Variants in GALNT12 observed in about 807,000 individuals in gnomAD.
GALNT12 encodes polypeptide N-acetylgalactosaminyltransferase 12, also known as UDP-GalNAc:polypeptide N-acetylgalactosaminyltransferase 12.
A neutral mutation model predicts 55.5 loss-of-function variants in GALNT12; 45 were observed. That is an observed-to-expected ratio of 0.81 (90% CI 0.64 to 1.04). The LOEUF is 1.04. Ranked by LOEUF, GALNT12 falls within the 50% of genes least tolerant of loss-of-function variation. The probability of loss-of-function intolerance (pLI) is 0.00; values close to 1 mark genes in which losing one functional copy is unlikely to be tolerated. For missense variants in GALNT12, 709 were observed against 754.8 expected (o/e 0.94, Z 0.71); for synonymous variants, 304 against 312.2 (o/e 0.97, Z 0.28).
At chr9:98,821,059 A>G (rs1454148370) in intron 1 of GALNT12, among the ~76,000 whole-genome samples, 1 of 152,202 alleles carries the variant, frequency 6.6e-6, no homozygotes, top group Non-Finnish European at 1.5e-5. Flanking sequence ...ATGAATCAAG[A>G]GTACAGTGGC....
At position 98,838,793 on chromosome 9, in the gene GALNT12, G is replaced by T. The variant is rs551231827; in HGVS notation, c.1213-1209G>T. 5.9e-5 allele frequency among the ~76,000 whole-genome samples: 9 copies of T among 152,318 alleles called. No homozygotes were observed. The South Asian group carries it at 1.9e-3, about 32-fold the overall frequency. ...AGGCCACTTCATGGAAGTCTCTTCT[G>T]AGTCCTTCCAGCAACCCTGCAGGGT... On this transcript the variant is annotated intron_variant, in intron 6 of 9. Coordinates refer to ENST00000375011, the MANE Select transcript of GALNT12 (RefSeq NM_024642.5).
At chr9:98,825,232 AAG>A (rs1237256346) in intron 2 of GALNT12, among the ~76,000 whole-genome samples, 1 of 152,232 alleles carries the variant, frequency 6.6e-6, no homozygotes, top group Non-Finnish European at 1.5e-5. Context: ...TCTAAAGTCA[AAG>A]AGCGGATTAT....
At chr9:98,834,920 C>G (rs1428951024) in intron 4 of GALNT12, among the ~76,000 whole-genome samples, 1 of 152,194 alleles carries the variant, frequency 6.6e-6, no homozygotes, top group East Asian at 1.9e-4. Context: ...CTTTGTCCTG[C>G]AGACCTTGCT....
At chr9:98,848,049 A>C (rs1836461416) in intron 9 of GALNT12, among the ~76,000 whole-genome samples, 1 of 152,152 alleles carries the variant, frequency 6.6e-6, no homozygotes, top group African/African-American at 2.4e-5. Context: ...CTTTGGCCTC[A>C]AGTGATCCAC....
chr9:98,827,851 C>A (rs180965883), intron 3 of GALNT12, among the ~76,000 whole-genome samples: 5 of 152,168 alleles, frequency 3.3e-5, no homozygotes, highest in Non-Finnish European at 7.4e-5. Flanking sequence ...CATAATGTAA[C>A]CCTGTTCTCA....
At chr9:98,831,283 A>G (rs758105013) in intron 3 of GALNT12, among the ~76,000 whole-genome samples, 1 of 152,252 alleles carries the variant, frequency 6.6e-6, no homozygotes, top group Non-Finnish European at 1.5e-5. Context: ...TTATAATTCC[A>G]GTGTTACCAC....
In GALNT12 at chr9:98,826,877, G is replaced by T. The variant is rs776852348; in HGVS notation, c.667G>T (p.Val223Phe). The change falls in exon 3 of 10, where the codon GTT becomes TTT. Residue 223 changes from valine to phenylalanine, a missense_variant. By Grantham distance (50) the Val-to-Phe change is conservative. Around this residue, in one of 5 missense-constraint regions of GALNT12, gnomAD observed 315 missense variants for 288.6 expected, o/e 1.09. Transcript: ENST00000375011. ...GGGGGCGTCTGCGGCGAGGGGCGAT[G>T]TTCTGACCTTCCTGGACTGTCACTG... ...LLGASAARGD[V>F]LTFLDCHCEC... 3.8e-6 allele frequency: 6 copies of T among 1,595,730 alleles called. No homozygotes were observed. The highest frequency in any genetic ancestry group is 5.1e-6 in the Non-Finnish European group (6 of 1,171,356).
Position 98,831,868 on chromosome 9 carries a change from C to G in GALNT12, c.828C>G (p.Ile276Met), listed in dbSNP as rs768925908. The change falls in exon 4 of 10, where the codon ATC (isoleucine) becomes ATG (methionine). Residue 276 changes from isoleucine (I) to methionine (M), a missense_variant. Around this residue, in one of 5 missense-constraint regions of GALNT12, gnomAD observed 315 missense variants for 288.6 expected, o/e 1.09. Coordinates refer to ENST00000375011, the MANE Select transcript of GALNT12 (RefSeq NM_024642.5). ...TGGGGAACTCCGGGGAGCCCCAGAT[C>G]GGCGGTTTCGACTGGAGGCTGGTGT... ...EYLGNSGEPQ[I>M]GGFDWRLVFT... is the part of the protein sequence containing the mutation. 6.2e-7 allele frequency: 1 copy of G among 1,614,128 alleles called. No individual in the cohort carries two copies. Among genetic ancestry groups the G allele is most frequent in the Non-Finnish European group, 8.5e-7 (1 of 1,180,026 alleles).
At chr9:98,835,690 C>T (rs1280991036) in intron 5 of GALNT12, among the ~76,000 whole-genome samples, 1 of 151,878 alleles carries the variant, frequency 6.6e-6, no homozygotes, top group Non-Finnish European at 1.5e-5. Context: ...ATGAAGTGGC[C>T]TCTTTATTTA....
At chr9:98,821,307 G>A (rs1835729013) in intron 1 of GALNT12, among the ~76,000 whole-genome samples, 1 of 152,094 alleles carries the variant, frequency 6.6e-6, no homozygotes, top group African/African-American at 2.4e-5. Flanking sequence ...ATCATGCCCG[G>A]CCCTGTTCTG....
At chr9:98,808,477 C>A (rs1278212092) in intron 1 of GALNT12, among the ~76,000 whole-genome samples, 1 of 152,222 alleles carries the variant, frequency 6.6e-6, no homozygotes, top group Non-Finnish European at 1.5e-5. Context: ...TCCATTCATT[C>A]TCTGTGTGTG....
At chr9:98,844,055 T>A in intron 7 of GALNT12, 41 bp from the exon 8 acceptor site, 1 of 1,388,152 alleles carries the variant, frequency 7.2e-7, no homozygotes, top group Non-Finnish European at 1.0e-6. Context: ...TGTTAGTGTC[T>A]ATAAATCTGG....
intron 1 of GALNT12, among the ~76,000 whole-genome samples, chr9:98,817,249 A>AGCT (rs1564248126): frequency 6.6e-6 from 1 of 152,156 alleles, no homozygotes; most frequent in Non-Finnish European, 1.5e-5. Context: ...TACAGGTGTG[A>AGCT]GCTACCGCGC....
At chr9:98,835,186 A>G in intron 4 of GALNT12, 63 bp from the exon 5 acceptor site, 2 of 1,074,294 alleles carry the variant, frequency 1.9e-6, no homozygotes, top group Non-Finnish European at 2.9e-6. Flanking sequence ...GTGGGAAGGT[A>G]GTTGGATAAC....
Position 98,807,735 on chromosome 9 carries a change from G to T in GALNT12, c.37G>T (p.Glu13Ter), listed in dbSNP as rs2118255070. 8.4e-7 allele frequency: 1 copy of T among 1,190,020 alleles called. No homozygotes were observed. The highest frequency in any genetic ancestry group is 2.5e-5 in the South Asian group (1 of 40,148). The allele number at this position is 1,190,020 out of a possible 1,614,324, so 73.7% of individuals were successfully genotyped here. The change falls in exon 1 of 10, where the codon GAA becomes TAA. Residue 13 changes from glutamate to a stop codon, truncating the protein, a stop_gained. Coordinates refer to ENST00000375011, the MANE Select transcript of GALNT12 (RefSeq NM_024642.5). LOFTEE classifies it high-confidence loss of function. ...CACGGCGCGGCGGCGCTGCCCGCGGGAACTGCGGCGCGGCCGGGAGGCGCT... is the reference window on the plus strand; with the variant it reads ...CACGGCGCGGCGGCGCTGCCCGCGGTAACTGCGGCGCGGCCGGGAGGCGCT... ...GRTARRRCPR[E>*]LRRGREALLV...
At chr9:98,823,568 A>T in intron 2 of GALNT12, 143 bp downstream of exon 2, 2 of 712,238 alleles carry the variant, frequency 2.8e-6, no homozygotes, top group Non-Finnish European at 4.9e-6. Flanking sequence ...GACCTCAGGG[A>T]TAGTAGCCCA....
In GALNT12 at chr9:98,836,194, C is replaced by A. The variant is rs939420078; in HGVS notation, c.1036-778C>A. On this transcript the variant is annotated intron_variant, in intron 5 of 9. Transcript: ENST00000375011. ...GCTACTCTACATGGCCCGTGAAAAC[C>A]GTATTGGAAAACTCCTAGCATTTCA... Among the ~76,000 whole-genome samples the A allele has an allele frequency of 3.3e-5, 5 of 152,252 alleles. No homozygotes were observed. In the Middle Eastern group the frequency reaches 0.01, roughly 311 times the overall value.
chr9:98,814,699 A>T (rs1476131447), intron 1 of GALNT12, among the ~76,000 whole-genome samples: 1 of 152,074 alleles, frequency 6.6e-6, no homozygotes, highest in Non-Finnish European at 1.5e-5. Context: ...GAAAAAAAAA[A>T]AAAGGAAGAT....
intron 1 of GALNT12, among the ~76,000 whole-genome samples, chr9:98,814,048 T>C (rs1398755410): frequency 6.6e-6 from 1 of 152,218 alleles, no homozygotes; most frequent in Non-Finnish European, 1.5e-5. Context: ...GGATGAGAAC[T>C]GAGTTCAGGT....
Sources: allele counts gnomAD v4.1 joint callset (sites outside exome capture counted in the v4.1 genomes callset), GRCh38; gene constraint gnomAD v4.1.1; regional missense constraint gnomAD v4.1.1; transcripts MANE v1.5; gene names NCBI Gene and HGNC (gene_info 2026-07-23, HGNC 2026-07-21).